The following AFAP1L1 variants were observed in gnomAD, a reference collection of about 807,000 sequenced individuals.
AFAP1L1 encodes the protein actin filament associated protein 1 like 1.
Under a neutral mutation model 99.8 loss-of-function variants are expected in AFAP1L1, and 77 were observed. That is an observed-to-expected ratio of 0.77 (90% CI 0.64 to 0.93). The LOEUF (loss-of-function observed/expected upper bound fraction) is 0.93, where lower values mean the gene tolerates loss of function less well. Ranked by LOEUF, AFAP1L1 falls within the 40% of genes least tolerant of loss-of-function variation. The pLI is 0.00. For synonymous variants in AFAP1L1, 373 were observed against 395.3 expected (o/e 0.94, Z 0.67); for missense variants, 893 against 996.8 (o/e 0.90, Z 1.40).
intron 1 of AFAP1L1, among the ~76,000 whole-genome samples, chr5:149,289,985 G>A (rs1755802315): frequency 6.6e-6 from 1 of 152,222 alleles, no homozygotes; most frequent in Non-Finnish European, 1.5e-5. Flanking sequence ...TGTAATCCCA[G>A]CACTTTGGGA....
At chr5:149,334,554 TG>T (rs1325898781) in intron 17 of AFAP1L1, among the ~76,000 whole-genome samples, 3 of 152,196 alleles carry the variant, frequency 2.0e-5, no homozygotes, top group Non-Finnish European at 4.4e-5. Flanking sequence ...AGCAATTATC[TG>T]GAAAAATGTA....
chr5:149,301,105 C>T, intron 3 of AFAP1L1, 28 bp from the exon 4 acceptor site: 1 of 1,609,190 alleles, frequency 6.2e-7, no homozygotes, highest in Non-Finnish European at 8.5e-7. Flanking sequence ...CCTTGGCTTT[C>T]TTTGCCCAAT....
chr5:149,287,751 T>TG (rs1755728349), intron 1 of AFAP1L1, among the ~76,000 whole-genome samples: 1 of 144,238 alleles, frequency 6.9e-6, no homozygotes, highest in Admixed American at 6.8e-5. Context: ...GTTTTTTTGG[T>TG]GTTTTTTTTT....
chr5:149,305,938 G>A (rs1274767538), intron 5 of AFAP1L1, among the ~76,000 whole-genome samples: 4 of 149,272 alleles, frequency 2.7e-5, no homozygotes, highest in Admixed American at 6.6e-5. Flanking sequence ...CACATGCAAT[G>A]CTCTGGGGTC....
Position 149,343,391 on chromosome 5 carries a change from A to G in AFAP1L1, c.*3361A>G, listed in dbSNP as rs536038218. Among the ~76,000 whole-genome samples the G allele has an allele frequency of 2.6e-5, 4 of 152,184 alleles. No individual in the cohort carries two copies. Among genetic ancestry groups the G allele is most frequent in the Non-Finnish European group, 5.9e-5 (4 of 68,036 alleles). The stretch of plus-strand genomic sequence containing the variant: ...GGCAACTCCAAGTGCCCTGGACCCC[A>G]GTCACCAATCCATCCTCTCAGTCTG... On this transcript the variant is annotated 3_prime_UTR_variant, in exon 19 of 19. Coordinates refer to ENST00000296721, the MANE Select transcript of AFAP1L1 (RefSeq NM_152406.4).
At chr5:149,330,925 AAAAATTTTTTTTTAATTTTTGCATT>A (rs1444439542) in intron 16 of AFAP1L1, among the ~76,000 whole-genome samples, 9 of 152,294 alleles carry the variant, frequency 5.9e-5, no homozygotes, top group African/African-American at 1.9e-4. Context: ...CATTTTTAAA[AAAAATTTTTTTTTAATTTTTGCATT>A]AAAATTTTTT....
At position 149,313,051 on chromosome 5, in the gene AFAP1L1, G is replaced by A. The variant is rs186380286; in HGVS notation, c.1020+847G>A. On this transcript the variant is annotated intron_variant, in intron 9 of 18. Transcript: ENST00000296721. Reference sequence around the variant, plus strand: ...CTGAGGGAGGAGAATTGCTTGAACCGGGAGGCAGAGGTTGTGGTGAGCCGA... The same window carrying A: ...CTGAGGGAGGAGAATTGCTTGAACCAGGAGGCAGAGGTTGTGGTGAGCCGA... Among the ~76,000 whole-genome samples the A allele has an allele frequency of 7.3e-3, 1,106 of 151,900 alleles. 11 individuals carry two copies. Among genetic ancestry groups the A allele is most frequent in the Non-Finnish European group, 0.012 (790 of 67,948 alleles).
Position 149,339,988 on chromosome 5 carries a change from TTC to T in AFAP1L1, c.2284-15_2284-14del. Reference sequence around the variant, plus strand: ...AGACCATTCAGCAAATTGATTTGTCTTCTCTTTCTGTGCTTCAGGAATGGGAA... The same window carrying T: ...AGACCATTCAGCAAATTGATTTGTCTTCTTTCTGTGCTTCAGGAATGGGAA... On this transcript the variant is annotated splice_polypyrimidine_tract_variant and intron_variant, in intron 18 of 18. Coordinates refer to ENST00000296721, the MANE Select transcript of AFAP1L1 (RefSeq NM_152406.4). 1.9e-6 allele frequency: 3 copies of T among 1,613,954 alleles called. No individual in the cohort carries two copies. The highest frequency in any genetic ancestry group is 2.5e-6 in the Non-Finnish European group (3 of 1,179,882).
intron 1 of AFAP1L1, among the ~76,000 whole-genome samples, chr5:149,285,448 C>T (rs2127590381): frequency 6.6e-6 from 1 of 152,332 alleles, no homozygotes; most frequent in Admixed American, 6.5e-5. Context: ...GAGGTAAGCA[C>T]TGTTATTATC....
At chr5:149,313,176 G>A (rs1756690884) in intron 9 of AFAP1L1, among the ~76,000 whole-genome samples, 1 of 151,394 alleles carries the variant, frequency 6.6e-6, no homozygotes, top group Admixed American at 6.6e-5. Context: ...CATGAGAGAA[G>A]CAGTCATTAG....
chr5:149,291,184 G>A (rs992036307), intron 1 of AFAP1L1, among the ~76,000 whole-genome samples: 4 of 152,114 alleles, frequency 2.6e-5, no homozygotes, highest in Non-Finnish European at 4.4e-5. Flanking sequence ...GCTCTTCAAA[G>A]TCCCTGAGTT....
chr5:149,316,268 A>C lies in AFAP1L1; in HGVS notation c.1232A>C (p.Gln411Pro). The C allele has an allele frequency of 6.2e-7, 1 of 1,614,062 alleles. No homozygotes were observed. The highest frequency in any genetic ancestry group is 8.5e-7 in the Non-Finnish European group (1 of 1,180,002). The change falls in exon 11 of 19, where the codon CAG (glutamine) becomes CCG (proline). Residue 411 changes from glutamine to proline, a missense_variant. Physicochemically the swap from Gln to Pro is moderately conservative, Grantham distance 76. Transcript: ENST00000296721. ...SKKKTLADDLQTSSTEEEVPC... is the reference protein window; with the variant it reads ...SKKKTLADDLPTSSTEEEVPC... ...AAGAAGACACTGGCCGATGACCTGC[A>C]GACGTCCTCCACCGAGGAGGAGGTT...
intron 1 of AFAP1L1, among the ~76,000 whole-genome samples, chr5:149,292,473 T>C (rs942485076): frequency 1.3e-5 from 2 of 152,202 alleles, no homozygotes; most frequent in African/African-American, 2.4e-5. Context: ...GTGATCTTAC[T>C]CTTAGTTGGG....
intron 17 of AFAP1L1, among the ~76,000 whole-genome samples, chr5:149,333,543 C>G (rs370641525): frequency 1.4e-4 from 22 of 152,218 alleles, no homozygotes; most frequent in African/African-American, 3.9e-4. Context: ...GAGGAAGATA[C>G]GCTCACCTCC....
chr5:149,312,039 C>T, intron 8 of AFAP1L1, 73 bp from the exon 9 acceptor site: 1 of 1,393,038 alleles, frequency 7.2e-7, no homozygotes, highest in Non-Finnish European at 1.0e-6. Context: ...GCATTCACCA[C>T]ACAGTCCCCA....
intron 9 of AFAP1L1, among the ~76,000 whole-genome samples, chr5:149,312,929 C>G (rs1221796151): frequency 2.0e-5 from 3 of 152,068 alleles, no homozygotes; most frequent in African/African-American, 7.2e-5. Context: ...GAGTTCGAGA[C>G]CAGCCTGACC....
At chr5:149,327,843 G>A (rs1757139428) in intron 15 of AFAP1L1, among the ~76,000 whole-genome samples, 1 of 152,064 alleles carries the variant, frequency 6.6e-6, no homozygotes, top group South Asian at 2.1e-4. Flanking sequence ...ACTAGAAGGA[G>A]AAGAGAGAGA....
intron 7 of AFAP1L1, among the ~76,000 whole-genome samples, chr5:149,309,399 C>T (rs987156456): frequency 1.3e-5 from 2 of 152,076 alleles, no homozygotes; most frequent in Non-Finnish European, 2.9e-5. Context: ...TTTTTATATA[C>T]GTCTGGAATC....
rs61549149 is a variant in AFAP1L1, at chr5:149,311,625, G to A, written c.928-487G>A. On this transcript the variant is annotated intron_variant, in intron 8 of 18. Coordinates refer to ENST00000296721, the MANE Select transcript of AFAP1L1 (RefSeq NM_152406.4). ...TGCTGTGTGGCCTTGGCAAGTGAGCGGATGCCTTTAGGAGATGGAGGTGAT... is the reference window on the plus strand; with the variant it reads ...TGCTGTGTGGCCTTGGCAAGTGAGCAGATGCCTTTAGGAGATGGAGGTGAT... 5.8e-3 allele frequency among the ~76,000 whole-genome samples: 879 copies of A among 152,282 alleles called. 11 individuals carry two copies. Among genetic ancestry groups the A allele is most frequent in the African/African-American group, 0.02 (818 of 41,548 alleles).
Sources: allele counts gnomAD v4.1 joint callset (sites outside exome capture counted in the v4.1 genomes callset), GRCh38; gene constraint gnomAD v4.1.1; transcripts MANE v1.5; gene names NCBI Gene and HGNC (gene_info 2026-07-23, HGNC 2026-07-21).